ANKRD18B: variants seen among roughly 807,000 people sequenced by gnomAD.
ANKRD18B encodes the protein ankyrin repeat domain 18B, also known as ankyrin repeat domain-containing protein 18B.
Under a neutral mutation model 111.8 loss-of-function variants are expected in ANKRD18B, and 75 were observed. The observed-to-expected ratio is 0.67, with a 90% CI of 0.56 to 0.81. ANKRD18B has a LOEUF of 0.81. ANKRD18B is among the 40% of genes least tolerant of loss of function. ANKRD18B has a pLI of 0.00. For missense variants in ANKRD18B, 1,038 were observed against 1,225.5 expected (o/e 0.85, Z 2.28); for synonymous variants, 356 against 417.3 (o/e 0.85, Z 1.79).
At chr9:33,531,120 T>C (rs1228785206) in intron 3 of ANKRD18B, among the ~76,000 whole-genome samples, 2 of 152,252 alleles carry the variant, frequency 1.3e-5, no homozygotes, top group East Asian at 1.9e-4. Flanking sequence ...AGGAATTCTT[T>C]TAATAATTTA....
Position 33,534,442 on chromosome 9 carries a change from T to C in ANKRD18B, c.675T>C (p.His225=). The C allele has an allele frequency of 6.4e-7, 1 of 1,551,454 alleles. No individual in the cohort carries two copies. Among genetic ancestry groups the C allele is most frequent in the Non-Finnish European group, 8.7e-7 (1 of 1,146,896 alleles). ...CCCTCCTGCTTCAACAAAATATACA[T>C]ATCTCTTCTCAAGACATGTTTGGCC... The part of the protein sequence containing the change: ...IVTLLLQQNI[H]ISSQDMFGQT... Residue 225 remains histidine (H), a synonymous_variant, in exon 5 of 19, where the codon CAT becomes CAC. Transcript: ENST00000684830.
chr9:33,557,945 T>A (rs1828551035), intron 13 of ANKRD18B, 113 bp from the exon 14 acceptor site: 4 of 991,836 alleles, frequency 4.0e-6, no homozygotes. Context: ...ACTGAGAGGA[T>A]CATAGTTTAT....
At chr9:33,569,261 C>CT (rs67285532) in intron 17 of ANKRD18B, 11,530 of 98,508 alleles carry the variant, frequency 0.12, 875 homozygotes, top group African/African-American at 0.14. Flanking sequence ...GTTCATATCA[C>CT]TTTTTTTTTT....
chr9:33,566,097 A>C (rs1456462076), intron 14 of ANKRD18B, 122 bp from the exon 15 acceptor site: 1 of 887,042 alleles, frequency 1.1e-6, no homozygotes, highest in African/African-American at 1.7e-5. Context: ...CATTTGAAGA[A>C]TCTACTACAT....
intron 1 of ANKRD18B, among the ~76,000 whole-genome samples, chr9:33,526,109 A>T (rs142550040): frequency 1.2e-4 from 18 of 152,352 alleles, no homozygotes; most frequent in East Asian, 3.9e-4. Context: ...GTTTGTGAGA[A>T]TAAAGAGCAG....
chr9:33,540,971 T>C (rs1004728755), intron 8 of ANKRD18B, among the ~76,000 whole-genome samples, 176 bp from the exon 9 acceptor site: 1 of 152,184 alleles, frequency 6.6e-6, no homozygotes, highest in Admixed American at 6.5e-5. Flanking sequence ...TTATTTACTA[T>C]GTATTTAGTA....
chr9:33,532,061 TA>T (rs1317644604), intron 3 of ANKRD18B, among the ~76,000 whole-genome samples: 1 of 152,014 alleles, frequency 6.6e-6, no homozygotes, highest in East Asian at 1.9e-4. Flanking sequence ...GGTGAAACCC[TA>T]ACTCTACTAA....
intron 3 of ANKRD18B, among the ~76,000 whole-genome samples, chr9:33,530,063 A>G (rs1166333778): frequency 6.6e-6 from 1 of 152,184 alleles, no homozygotes; most frequent in Non-Finnish European, 1.5e-5. Flanking sequence ...ACCCAGGAAA[A>G]TTAATTGGAG....
At chr9:33,564,212 G>A (rs1475641528) in intron 14 of ANKRD18B, among the ~76,000 whole-genome samples, 3 of 152,128 alleles carry the variant, frequency 2.0e-5, no homozygotes, top group Non-Finnish European at 4.4e-5. Context: ...CTCCTGCCTC[G>A]GTCTTTCAAA....
intron 14 of ANKRD18B, among the ~76,000 whole-genome samples, chr9:33,559,075 G>A (rs989310567): frequency 1.3e-5 from 2 of 152,182 alleles, no homozygotes; most frequent in African/African-American, 2.4e-5. Context: ...ACTGGAAATA[G>A]GTATAAAGGA....
chr9:33,564,156 T>C (rs10971564), intron 14 of ANKRD18B, among the ~76,000 whole-genome samples: 72,306 of 151,972 alleles, frequency 0.48, 17,502 homozygotes, highest in East Asian at 0.53. Context: ...AGAGATGTCT[T>C]TCTATGTTGC....
chr9:33,528,448 A>G (rs1422540999), intron 1 of ANKRD18B, among the ~76,000 whole-genome samples: 2 of 152,254 alleles, frequency 1.3e-5, no homozygotes, highest in Non-Finnish European at 2.9e-5. Context: ...ATTCAGGCAC[A>G]GAAAGGCTAA....
chr9:33,573,392 T>A (rs994207798), downstream of ANKRD18B: 2 of 790,354 alleles, frequency 2.5e-6, no homozygotes, highest in Non-Finnish European at 3.1e-6. Context: ...GCAGCCTCTG[T>A]GCTGTGTCTC....
chr9:33,570,901 G>T (rs1563910294), intron 17 of ANKRD18B, among the ~76,000 whole-genome samples: 3 of 152,158 alleles, frequency 2.0e-5, no homozygotes, highest in Non-Finnish European at 4.4e-5. Flanking sequence ...CTCCCAAAGT[G>T]CTGGGATTAC....
At chr9:33,554,062 A>G (rs192757771) in intron 12 of ANKRD18B, among the ~76,000 whole-genome samples, 3 of 150,804 alleles carry the variant, frequency 2.0e-5, no homozygotes, top group African/African-American at 7.3e-5. Context: ...ACAGAGTGTG[A>G]CTCCATCTCA....
In ANKRD18B at chr9:33,552,687, A is replaced by G. The variant is rs550283232; in HGVS notation, c.2217+2108A>G. On this transcript the variant is annotated intron_variant, in intron 12 of 18. Coordinates refer to ENST00000684830, the MANE Select transcript of ANKRD18B (RefSeq NM_001393611.1). ...GTGTGAAGAATGATTCAGTGCATCT[A>G]TAGGAGGCCACTTCCATTGGAATGC... Among the ~76,000 whole-genome samples, 43 of 152,258 alleles carry G rather than the reference A, an allele frequency of 2.8e-4. No homozygotes were observed. In the South Asian group the frequency reaches 8.5e-3, roughly 30 times the overall value.
chr9:33,533,638 A>T, intron 4 of ANKRD18B, 93 bp downstream of exon 4: 1 of 1,437,706 alleles, frequency 7.0e-7, no homozygotes, highest in Non-Finnish European at 9.1e-7. Flanking sequence ...TGTTAATAAG[A>T]TTAAACTTAT....
chr9:33,549,493 C>T (rs1828416528), intron 11 of ANKRD18B, among the ~76,000 whole-genome samples: 1 of 152,138 alleles, frequency 6.6e-6, no homozygotes, highest in Non-Finnish European at 1.5e-5. Context: ...AGTGGAAATG[C>T]TTGCACCTGA....
At chr9:33,533,835 GA>G (rs575411090) in intron 4 of ANKRD18B, 109 of 316,330 alleles carry the variant, frequency 3.4e-4, no homozygotes, top group African/African-American at 2.2e-3. Context: ...TTAATTTTAT[GA>G]AGTGTAGACT....
Sources: gnomAD v4.1 joint callset for allele counts (sites outside exome capture counted in the v4.1 genomes callset) on GRCh38, gnomAD v4.1.1 for gene constraint, MANE v1.5 for transcripts, NCBI Gene and HGNC (gene_info 2026-07-23, HGNC 2026-07-21) for gene names.